The following FCHSD1 variants were observed in gnomAD, a reference collection of about 807,000 sequenced individuals.
FCHSD1 encodes FCH and double SH3 domains 1.
Under a neutral mutation model 101.3 loss-of-function variants are expected in FCHSD1, and 109 were observed. The ratio of observed to expected loss-of-function variants is 1.08; its 90% CI spans 0.92 to 1.26. The LOEUF (loss-of-function observed/expected upper bound fraction) is 1.26. FCHSD1 is among the 50% of genes most tolerant of loss of function. The probability of loss-of-function intolerance (pLI) is 0.00; values close to 1 mark genes in which losing one functional copy is unlikely to be tolerated. For missense variants in FCHSD1, 820 were observed against 895.8 expected, an observed-to-expected ratio of 0.92 and a Z score of 1.08; for synonymous variants, 291 against 356.8, an observed-to-expected ratio of 0.82 and a Z score of 2.08.
In FCHSD1 at chr5:141,639,720, G is replaced by T. The variant is rs954479405; in HGVS notation, c.*1778C>A. 4.8e-6 allele frequency: 7 copies of T among 1,463,290 alleles called. No individual in the cohort carries two copies. Among genetic ancestry groups the T allele is most frequent in the Non-Finnish European group, 6.5e-6 (7 of 1,075,564 alleles). The allele number at this position is 1,463,290 out of a possible 1,614,324, so 90.6% of individuals were successfully genotyped here. ...AGTGATCAGGCACCTGATCCCAAAA[G>T]TGGGCCTTGGCTCTTTCCTCCTGGA... On this transcript the variant is annotated 3_prime_UTR_variant, in exon 20 of 20. Coordinates refer to ENST00000435817, the MANE Select transcript of FCHSD1 (RefSeq NM_033449.3). The surrounding 1 kb of genome is among the most constrained non-coding windows in gnomAD (Gnocchi z 4.4).
chr5:141,643,227 T>A (rs1365110000), intron 17 of FCHSD1, 139 bp from the exon 18 acceptor site: 2 of 542,498 alleles, frequency 3.7e-6, no homozygotes, highest in Non-Finnish European at 6.2e-6. Context: ...GGTGGGGGGG[T>A]GTAGCTGACA....
Position 141,641,116 on chromosome 5 carries a change from T to C in FCHSD1, c.*382A>G. 2 of 301,924 alleles carry C rather than the reference T, an allele frequency of 6.6e-6. No homozygotes were observed. Among genetic ancestry groups the C allele is most frequent in the Non-Finnish European group, 1.2e-5 (2 of 163,902 alleles). The allele number at this position is 301,924 out of a possible 1,614,324, so 18.7% of individuals were successfully genotyped here. On this transcript the variant is annotated 3_prime_UTR_variant, in exon 20 of 20. Coordinates refer to ENST00000435817, the MANE Select transcript of FCHSD1 (RefSeq NM_033449.3). ...TCCTGATTCCCAAGGCCTGTTCCTCTCCCCAGCCCAACCCCAGTGACCCTG... is the reference window on the plus strand; with the variant it reads ...TCCTGATTCCCAAGGCCTGTTCCTCCCCCCAGCCCAACCCCAGTGACCCTG...
At position 141,640,605 on chromosome 5, in the gene FCHSD1, C is replaced by A; in HGVS notation, c.*893G>T. ...GGTGGAGGTAGGGAAGGTCCTGGAG[C>A]CCCAGGGGAAAAGCTGGACACAGCT... On this transcript the variant is annotated 3_prime_UTR_variant, in exon 20 of 20. Transcript: ENST00000435817. The A allele has an allele frequency of 6.5e-7, 1 of 1,541,560 alleles. No homozygotes were observed. The highest frequency in any genetic ancestry group is 1.2e-5 in the South Asian group (1 of 83,682).
Position 141,644,634 on chromosome 5 carries a change from C to G in FCHSD1, c.1581G>C (p.Pro527=). The G allele has an allele frequency of 6.2e-7, 1 of 1,613,948 alleles. No individual in the cohort carries two copies. The highest frequency in any genetic ancestry group is 1.6e-4 in the Middle Eastern group (1 of 6,062). The change falls in exon 16 of 20, where the codon CCG becomes CCC. Residue 527 remains proline (P), a synonymous_variant. Transcript: ENST00000435817. ...GGCTGCTCTCTGGGAGGGAGAGGTC[C>G]GGGAAGTTGAGATATCGCTCAGGGA... ...GFVPERYLNF[P]DLSLPESSQD...
intron 1 of FCHSD1, 37 bp downstream of exon 1, chr5:141,651,311 C>G: frequency 6.4e-7 from 1 of 1,552,352 alleles, no homozygotes. Flanking sequence ...TCCGTTCCCC[C>G]AGCCCGCCAG....
rs73794955 is a variant in FCHSD1, at chr5:141,647,658, C to T, written c.706-138G>A. The T allele has an allele frequency of 2.6e-3, 3,605 of 1,365,476 alleles. 73 individuals are homozygous for T. The African/African-American group carries it at 0.047, about 18-fold the overall frequency. 84.6% of individuals were successfully genotyped at this position (1,365,476 alleles called of 1,614,324 possible). ...AGACATTCTTCATGAGAAAGGCCCTCGTGTGCAGAGCACTTAGAAGTTTAA... is the reference window on the plus strand; with the variant it reads ...AGACATTCTTCATGAGAAAGGCCCTTGTGTGCAGAGCACTTAGAAGTTTAA... On this transcript the variant is annotated intron_variant, in intron 8 of 19. Transcript: ENST00000435817.
Position 141,649,021 on chromosome 5 carries a change from C to A in FCHSD1, c.513-1G>T. 6.2e-7 allele frequency: 1 copy of A among 1,614,004 alleles called. No individual in the cohort carries two copies. Among genetic ancestry groups the A allele is most frequent in the Non-Finnish European group, 8.5e-7 (1 of 1,179,892 alleles). On this transcript the variant is annotated splice_acceptor_variant, in intron 6 of 19. Coordinates refer to ENST00000435817, the MANE Select transcript of FCHSD1 (RefSeq NM_033449.3). LOFTEE classifies it high-confidence loss of function. This position sits in a 1 kb window ranked among gnomAD's most constrained non-coding sequence, Gnocchi z 4.1. Reference sequence around the variant, plus strand: ...GATCCCATGGTCACTTCGGTTTAGCCTGTGCAGATGAGAGAAAGGAGTCAG... The same window carrying A: ...GATCCCATGGTCACTTCGGTTTAGCATGTGCAGATGAGAGAAAGGAGTCAG...
At position 141,644,527 on chromosome 5, in the gene FCHSD1, T is replaced by C. The variant is rs184773423; in HGVS notation, c.1642+46A>G. On this transcript the variant is annotated intron_variant, in intron 16 of 19. Coordinates refer to ENST00000435817, the MANE Select transcript of FCHSD1 (RefSeq NM_033449.3). ...CCCAGGGCTACAACCCCTAACAATT[T>C]TTCTCCATACCCAGGGTCCTCTAAC... The C allele has an allele frequency of 3.7e-6, 6 of 1,610,016 alleles. No homozygotes were observed. The South Asian group carries it at 5.5e-5, about 15-fold the overall frequency.
chr5:141,643,130 G>A, intron 17 of FCHSD1, 42 bp from the exon 18 acceptor site: 1 of 1,390,032 alleles, frequency 7.2e-7, no homozygotes, highest in South Asian at 1.6e-5. Flanking sequence ...GGCATGTGGG[G>A]AGGTTTTACC....
Position 141,650,382 on chromosome 5 carries a change from C to T in FCHSD1, c.142G>A (p.Ala48Thr). The T allele has an allele frequency of 1.2e-6, 2 of 1,613,934 alleles. No homozygotes were observed. Among genetic ancestry groups the T allele is most frequent in the Non-Finnish European group, 1.7e-6 (2 of 1,179,896 alleles). The change falls in exon 3 of 20, where the codon GCC (alanine) becomes ACC (threonine). Residue 48 changes from alanine to threonine, a missense_variant. Transcript: ENST00000435817. ...DIRSYSKQRA[A>T]IEREYGQALQ... ...ACCTGCCCATACTCCCGTTCAATGGCTGCCCTCTGCTTGCTGTAGGATCTG... is the reference window on the plus strand; with the variant it reads ...ACCTGCCCATACTCCCGTTCAATGGTTGCCCTCTGCTTGCTGTAGGATCTG...
intron 11 of FCHSD1, 128 bp downstream of exon 11, chr5:141,646,475 T>G (rs374802435): frequency 1.4e-6 from 2 of 1,390,902 alleles, no homozygotes; most frequent in South Asian, 2.9e-5. Flanking sequence ...TGCCACACTG[T>G]TACCTTAAAA....
At chr5:141,645,745 TG>T (rs1353291199) in intron 13 of FCHSD1, 25 bp downstream of exon 13, 1 of 1,597,746 alleles carries the variant, frequency 6.3e-7, no homozygotes, top group African/African-American at 1.3e-5. Context: ...TAAGTAAGGA[TG>T]GGTAGTGTTG....
rs1248888395 is a variant in FCHSD1 at position 141,644,264 on chromosome 5, TCTTCCAC to T, written c.1810_1816del (p.Val604SerfsTer57). 3 of 1,613,508 alleles carry T rather than the reference TCTTCCAC, an allele frequency of 1.9e-6. No individual in the cohort carries two copies. The highest frequency in any genetic ancestry group is 2.2e-5 in the South Asian group (2 of 90,952). The stretch of plus-strand genomic sequence containing the variant: ...AGGTGGCCCTGGGGGGCCAAGCAGC[TCTTCCAC>T]CAGCAGGGAGGGGAAGACCCCAACA... On this transcript the variant is annotated frameshift_variant, in exon 17 of 20. Transcript: ENST00000435817. LOFTEE classifies it high-confidence loss of function.
At position 141,646,171 on chromosome 5, in the gene FCHSD1, C is replaced by G; in HGVS notation, c.1065G>C (p.Gln355His). The G allele has an allele frequency of 6.2e-7, 1 of 1,608,342 alleles. No homozygotes were observed. The highest frequency in any genetic ancestry group is 1.1e-5 in the South Asian group (1 of 89,824). Residue 355 changes from glutamine to histidine, a missense_variant, in exon 12 of 20, where the codon CAG (glutamine) becomes CAC (histidine). Coordinates refer to ENST00000435817, the MANE Select transcript of FCHSD1 (RefSeq NM_033449.3). ...CCCGCTCTGAAGCCTGCTGCCGCCTCTGCTCCAGTCGTTGCAGTACCTGGT... is the reference window on the plus strand; with the variant it reads ...CCCGCTCTGAAGCCTGCTGCCGCCTGTGCTCCAGTCGTTGCAGTACCTGGT... ...HGHRVLQRLE[Q>H]RRQQASEREA...
chr5:141,649,839 C>G lies in FCHSD1; in HGVS notation c.233+48G>C. Reference sequence around the variant, plus strand: ...CCCCACAGGTTCCTGGGGCTGAGCTCCCCATCACTTTTTGGCCTCTGTGGC... The same window carrying G: ...CCCCACAGGTTCCTGGGGCTGAGCTGCCCATCACTTTTTGGCCTCTGTGGC... On this transcript the variant is annotated intron_variant, in intron 4 of 19. Coordinates refer to ENST00000435817, the MANE Select transcript of FCHSD1 (RefSeq NM_033449.3). The surrounding 1 kb of genome is among the most constrained non-coding windows in gnomAD (Gnocchi z 4.1). 6.5e-7 allele frequency: 1 copy of G among 1,534,238 alleles called. No individual in the cohort carries two copies. The highest frequency in any genetic ancestry group is 8.8e-7 in the Non-Finnish European group (1 of 1,140,780).
In FCHSD1 at chr5:141,651,221, C is replaced by T; in HGVS notation, c.22-104G>A. 2.0e-6 allele frequency: 3 copies of T among 1,512,172 alleles called. No homozygotes were observed. The South Asian group carries it at 3.6e-5, about 18-fold the overall frequency. The allele number at this position is 1,512,172 out of a possible 1,614,324, so 93.7% of individuals were successfully genotyped here. On this transcript the variant is annotated intron_variant, in intron 1 of 19. Transcript: ENST00000435817. The stretch of plus-strand genomic sequence containing the variant: ...GGGCCGGGGGGGTGCTGAGCTCTTT[C>T]CTCTGTTACTTCTGGTTTGGGGTCT...
In FCHSD1 at chr5:141,651,396, T is replaced by C. The variant is rs765853036; in HGVS notation, c.-28A>G. 2.0e-4 allele frequency: 317 copies of C among 1,551,316 alleles called. No homozygotes were observed. The highest frequency in any genetic ancestry group is 2.7e-4 in the Non-Finnish European group (309 of 1,147,198). On this transcript the variant is annotated 5_prime_UTR_variant, in exon 1 of 20. Coordinates refer to ENST00000435817, the MANE Select transcript of FCHSD1 (RefSeq NM_033449.3). ...CCGCTCCAGCAAGGCGGTCAGCCAC[T>C]GGACTCCGGAACTGGAGGAAGCCCC...
At chr5:141,647,688 C>G (rs1038365810) in intron 8 of FCHSD1, 168 bp from the exon 9 acceptor site, 1 of 1,097,106 alleles carries the variant, frequency 9.1e-7, no homozygotes, top group African/African-American at 1.6e-5. Flanking sequence ...GTTTAAAACA[C>G]GTTCACATCC....
chr5:141,651,181 A>C (rs1189784978), intron 1 of FCHSD1, 64 bp from the exon 2 acceptor site: 13 of 1,403,714 alleles, frequency 9.3e-6, no homozygotes, highest in African/African-American at 1.4e-5. Context: ...CCGCGCAGGG[A>C]GCGGTGAGGG....
Sources: allele counts gnomAD v4.1 joint callset, GRCh38; gene constraint gnomAD v4.1.1; non-coding constraint Gnocchi (gnomAD v3.1); transcripts MANE v1.5; gene names NCBI Gene and HGNC (gene_info 2026-07-23, HGNC 2026-07-21).